ATP1A2: variants seen among roughly 807,000 people sequenced by gnomAD.
The protein encoded by ATP1A2 is sodium/potassium-transporting ATPase subunit alpha-2.
In ATP1A2, 56 loss-of-function variants were observed where a neutral mutation model predicts 113.1. The ratio of observed to expected loss-of-function variants is 0.49; its 90% CI spans 0.40 to 0.62. ATP1A2 has a LOEUF of 0.62. Ranked by LOEUF, ATP1A2 falls within the 20% of genes least tolerant of loss-of-function variation. The pLI, the probability that ATP1A2 is intolerant of heterozygous loss-of-function variation, is 0.00. For missense variants in ATP1A2, 712 were observed against 1,357.8 expected, an observed-to-expected ratio of 0.52 and a Z score of 7.47; for synonymous variants, 490 against 526.8, an observed-to-expected ratio of 0.93 and a Z score of 0.96.
intron 22 of ATP1A2, chr1:160,140,846 CTTTTTTTT>C (rs1045304439): frequency 3.4e-5 from 3 of 87,086 alleles, no homozygotes; most frequent in African/African-American, 5.5e-5. Flanking sequence ...CTTTCACCTT[CTTTTTTTT>C]TTTTTTTTTT....
chr1:160,119,131 G>C (rs920469869), intron 1 of ATP1A2, among the ~76,000 whole-genome samples: 2 of 151,720 alleles, frequency 1.3e-5, no homozygotes, highest in Non-Finnish European at 2.9e-5. Flanking sequence ...GTGCATGTGT[G>C]GGGGCAGGAG....
In ATP1A2 at chr1:160,129,093, G is replaced by A. The variant is rs1176292437; in HGVS notation, c.1326+4G>A. 6.2e-7 allele frequency: 1 copy of A among 1,612,614 alleles called. No individual in the cohort carries two copies. The highest frequency in any genetic ancestry group is 8.5e-7 in the Non-Finnish European group (1 of 1,179,678). On this transcript the variant is annotated splice_donor_region_variant and intron_variant, in intron 10 of 22. Transcript: ENST00000361216. ...GGAGAACATCTCCGTGTCTAAGGTA[G>A]GGGGTCAGGACACACACCAGGTATG... is the stretch of plus-strand genomic sequence containing the variant.
intron 8 of ATP1A2, 138 bp from the exon 9 acceptor site, chr1:160,128,514 T>C: frequency 6.5e-7 from 1 of 1,546,492 alleles, no homozygotes; most frequent in Non-Finnish European, 8.7e-7. Context: ...GAACATTCAT[T>C]ATTTACAGCT....
chr1:160,134,701 T>A lies in ATP1A2; in HGVS notation c.1964+81T>A, dbSNP rs372234024. 206 of 1,602,454 alleles carry A rather than the reference T, an allele frequency of 1.3e-4. 1 individual carries two copies. The African/African-American group carries it at 2.4e-3, about 19-fold the overall frequency. On this transcript the variant is annotated intron_variant, in intron 14 of 22. Transcript: ENST00000361216. ...AGGCTTGGGTGTCCCCTGGGAGTAT[T>A]TGGATAGCATTTCTGGGACCTTTAT...
intron 20 of ATP1A2, among the ~76,000 whole-genome samples, chr1:160,137,377 G>C (rs1270587658): frequency 2.6e-5 from 4 of 152,110 alleles, no homozygotes; most frequent in African/African-American, 7.2e-5. Flanking sequence ...TCCGCAGGCA[G>C]TCTAGTTTAT....
chr1:160,124,181 C>A, intron 5 of ATP1A2, 115 bp from the exon 6 acceptor site: 1 of 1,552,490 alleles, frequency 6.4e-7, no homozygotes. Flanking sequence ...CTTTCCATGC[C>A]AGCACCTAAT....
chr1:160,139,884 T>C lies in ATP1A2; in HGVS notation c.2943-9T>C. 6.2e-7 allele frequency: 1 copy of C among 1,614,082 alleles called. No homozygotes were observed. The highest frequency in any genetic ancestry group is 8.5e-7 in the Non-Finnish European group (1 of 1,179,950). On this transcript the variant is annotated splice_polypyrimidine_tract_variant and intron_variant, in intron 21 of 22. Transcript: ENST00000361216. ...TGATGCTGCTGACACTCTCCTCCAT[T>C]GCTTTCAGAGTCACCTGGTGGTTCT...
intron 18 of ATP1A2, 25 bp from the exon 19 acceptor site, chr1:160,136,545 C>A: frequency 6.2e-7 from 1 of 1,614,230 alleles, no homozygotes; most frequent in Middle Eastern, 1.6e-4. Flanking sequence ...TGACCCTGCC[C>A]CTGCCTTTGG....
intron 5 of ATP1A2, 30 bp downstream of exon 5, chr1:160,124,086 G>A (rs1295116101): frequency 8.7e-6 from 14 of 1,610,946 alleles, no homozygotes; most frequent in East Asian, 2.2e-5. Context: ...CTCTGGGCTA[G>A]GCTGTAAGGT....
intron 13 of ATP1A2, among the ~76,000 whole-genome samples, chr1:160,130,905 C>T (rs1651751345): frequency 1.3e-5 from 2 of 152,158 alleles, no homozygotes; most frequent in Admixed American, 1.3e-4. Context: ...ATCTTGAAGA[C>T]CTAGTTGTCC....
chr1:160,128,825 G>A lies in ATP1A2; in HGVS notation c.1191G>A (p.Glu397=). The A allele has an allele frequency of 6.2e-7, 1 of 1,614,106 alleles. No individual in the cohort carries two copies. The highest frequency in any genetic ancestry group is 8.5e-7 in the Non-Finnish European group (1 of 1,180,020). ...AHMWFDNQIH[E]ADTTEDQSGA... is the part of the protein sequence containing the mutation. Reference sequence around the variant, plus strand: ...TGTGGTTCGACAACCAAATCCATGAGGCTGACACCACCGAAGATCAGTCTG... The same window carrying A: ...TGTGGTTCGACAACCAAATCCATGAAGCTGACACCACCGAAGATCAGTCTG... The change falls in exon 9 of 23, where the codon GAG becomes GAA. Residue 397 remains glutamate (E), a synonymous_variant. Transcript: ENST00000361216.
rs116552228 is a variant in ATP1A2 at position 160,141,098 on chromosome 1, A to G, written c.3035-196A>G. Among the ~76,000 whole-genome samples the G allele has an allele frequency of 0.025, 3,863 of 152,096 alleles. 155 individuals carry two copies. Among genetic ancestry groups the G allele is most frequent in the African/African-American group, 0.088 (3,657 of 41,466 alleles). ...AGGAGTCTTGATCTCCGCCTGCCTCAGCCTCCCAGTATGCTGGGATTACAG... is the reference window on the plus strand; with the variant it reads ...AGGAGTCTTGATCTCCGCCTGCCTCGGCCTCCCAGTATGCTGGGATTACAG... On this transcript the variant is annotated intron_variant, in intron 22 of 22. Transcript: ENST00000361216.
At chr1:160,118,122 G>A (rs1336639073) in intron 1 of ATP1A2, among the ~76,000 whole-genome samples, 1 of 152,276 alleles carries the variant, frequency 6.6e-6, no homozygotes, top group East Asian at 1.9e-4. Flanking sequence ...GGAGAGCAGG[G>A]CGGGAGCTTG....
chr1:160,123,491 G>A, intron 4 of ATP1A2, 75 bp downstream of exon 4: 2 of 1,565,734 alleles, frequency 1.3e-6, no homozygotes, highest in Non-Finnish European at 1.8e-6. Context: ...AGTGGGGGGT[G>A]GGCAGGGAAC....
intron 1 of ATP1A2, among the ~76,000 whole-genome samples, chr1:160,119,115 G>A (rs2101982298): frequency 6.6e-6 from 1 of 152,052 alleles, no homozygotes. Flanking sequence ...GATAGTGGGT[G>A]AGGCTGTGCA....
At chr1:160,119,614 C>A (rs533795250) in intron 1 of ATP1A2, among the ~76,000 whole-genome samples, 1 of 152,028 alleles carries the variant, frequency 6.6e-6, no homozygotes, top group Admixed American at 6.6e-5. Flanking sequence ...GATTTCCCAC[C>A]CTGTCCCCAA....
intron 13 of ATP1A2, 47 bp from the exon 14 acceptor site, chr1:160,134,437 T>C (rs146901029): frequency 5.0e-6 from 8 of 1,613,908 alleles, no homozygotes; most frequent in Non-Finnish European, 6.8e-6. Flanking sequence ...AGGAGGGGGA[T>C]AAACCCTTAA....
rs1300416655 is a variant in ATP1A2, at chr1:160,115,779, G to A, written c.-83G>A. On this transcript the variant is annotated 5_prime_UTR_variant, in exon 1 of 23. Transcript: ENST00000361216. ...GCTTTCTCTGTCTGCCAGGGTCTCC[G>A]ACTGTCCCAGACGGGCTGGTGTGGG... 10 of 1,537,918 alleles carry A rather than the reference G, an allele frequency of 6.5e-6. No individual in the cohort carries two copies. The Admixed American group carries it at 7.8e-5, about 12-fold the overall frequency.
chr1:160,122,982 T>C (rs1651464170), intron 3 of ATP1A2, among the ~76,000 whole-genome samples: 1 of 152,008 alleles, frequency 6.6e-6, no homozygotes, highest in Admixed American at 6.5e-5. Context: ...CAATCCAATA[T>C]AATTAGGGGT....
Sources: allele counts gnomAD v4.1 joint callset (sites outside exome capture counted in the v4.1 genomes callset), GRCh38; gene constraint gnomAD v4.1.1; transcripts MANE v1.5; gene names NCBI Gene and HGNC (gene_info 2026-07-23, HGNC 2026-07-21).